Variants in FSD2 observed in about 807,000 individuals in gnomAD.
The protein encoded by FSD2 is fibronectin type III and SPRY domain-containing protein 2.
FSD2 carries 71 observed loss-of-function variants against 80.4 expected under a neutral mutation model. The ratio of observed to expected loss-of-function variants is 0.88; its 90% CI spans 0.73 to 1.08. FSD2 has a LOEUF of 1.08. Among genes scored for constraint, FSD2 ranks in the 50% least tolerant of loss-of-function variants. FSD2 has a pLI of 0.00. For missense variants in FSD2, 923 were observed against 913.8 expected (o/e 1.01, Z -0.13); for synonymous variants, 361 against 329.5 (o/e 1.10, Z -1.03).
intron 6 of FSD2, among the ~76,000 whole-genome samples, chr15:82,778,080 G>A (rs2049756579): frequency 1.4e-5 from 2 of 140,390 alleles, no homozygotes; most frequent in Admixed American, 1.5e-4. Context: ...AGGCCAGCCT[G>A]GGCAACATAG....
Position 82,805,973 on chromosome 15 carries a change from G to T in FSD2, c.-86C>A, listed in dbSNP as rs2050516015. ...GACTACCCCAAAACTTGCCTGCTAA[G>T]CGTCCATAAATGCTTCCTTTAACTC... On this transcript the variant is annotated 5_prime_UTR_variant, in exon 1 of 13. Transcript: ENST00000334574. 1 of 152,182 alleles carries T rather than the reference G, an allele frequency of 6.6e-6. No individual in the cohort carries two copies. Among genetic ancestry groups the T allele is most frequent in the South Asian group, 2.1e-4 (1 of 4,834 alleles). 9.4% of individuals were successfully genotyped at this position (152,182 alleles called of 1,614,324 possible).
intron 10 of FSD2, 62 bp from the exon 11 acceptor site, chr15:82,765,360 G>A: frequency 1.9e-6 from 3 of 1,607,086 alleles, no homozygotes; most frequent in Non-Finnish European, 2.5e-6. Context: ...CATGTGGGCG[G>A]TGGTCACCGG....
In FSD2 at chr15:82,798,081, G is replaced by A. The variant is rs571445845; in HGVS notation, c.-79+7885C>T. On this transcript the variant is annotated intron_variant, in intron 1 of 12. Coordinates refer to ENST00000334574, the MANE Select transcript of FSD2 (RefSeq NM_001007122.4). ...AGGTCAGGTACAGTGGCTGACACCC[G>A]TTATCCAAGCACTTTGGGAGGCAAA... Among the ~76,000 whole-genome samples, 41 of 152,156 alleles carry A rather than the reference G, an allele frequency of 2.7e-4. 2 individuals carry two copies. In the South Asian group the frequency reaches 5.8e-3, roughly 22 times the overall value.
Position 82,765,182 on chromosome 15 carries a change from C to A in FSD2, c.1804G>T (p.Asp602Tyr), listed in dbSNP as rs979074782. The A allele has an allele frequency of 7.5e-6, 12 of 1,604,232 alleles. No individual in the cohort carries two copies. In the African/African-American group the frequency reaches 1.3e-4, roughly 18 times the overall value. Residue 602 changes from aspartate to tyrosine, a missense_variant, in exon 11 of 13, where the codon GAC becomes TAC. Coordinates refer to ENST00000334574, the MANE Select transcript of FSD2 (RefSeq NM_001007122.4). ...ACAAAGTACCTGGTGAAGTGAGTGT[C>A]GCTGGGTGACAGCTCCCTGGCGGGG... ...RTPARELSPSDTHFTRCVAVM... is the reference protein window; with the variant it reads ...RTPARELSPSYTHFTRCVAVM...
chr15:82,772,098 G>T lies in FSD2; in HGVS notation c.1242C>A (p.Asp414Glu), dbSNP rs2151498693. The T allele has an allele frequency of 1.9e-6, 3 of 1,598,984 alleles. No homozygotes were observed. In the African/African-American group the frequency reaches 4.0e-5, roughly 22 times the overall value. ...SYQLSYRPVQ[D>E]SSPGTDQAEF... is the part of the protein sequence containing the mutation. ...CTGCTTGGTCCGTCCCAGGTGAGCTGTCCTGCACTGGCCGGTAGGACAGCT... is the reference window on the plus strand; with the variant it reads ...CTGCTTGGTCCGTCCCAGGTGAGCTTTCCTGCACTGGCCGGTAGGACAGCT... The change falls in exon 7 of 13, where the codon GAC becomes GAA. Residue 414 changes from aspartate to glutamate, a missense_variant. Asp to Glu is a conservative substitution (Grantham distance 45). Transcript: ENST00000334574.
chr15:82,782,272 C>T (rs1293822624), intron 4 of FSD2, among the ~76,000 whole-genome samples: 4 of 144,548 alleles, frequency 2.8e-5, no homozygotes, highest in Admixed American at 1.4e-4. Flanking sequence ...TGGTGGCGAG[C>T]GCCTGTAGTC....
chr15:82,757,289 A>G lies in FSD2; in HGVS notation c.*2059T>C, dbSNP rs2049195227. On this transcript the variant is annotated 3_prime_UTR_variant, in exon 13 of 13. Transcript: ENST00000334574. ...AAAGCCTATTAGAACCCTGAATTCA[A>G]ACTTGCCTTCTCTGTGATATCCTGT... 2 of 152,006 alleles carry G rather than the reference A, an allele frequency of 1.3e-5. No individual in the cohort carries two copies. The highest frequency in any genetic ancestry group is 2.9e-5 in the Non-Finnish European group (2 of 68,022). 9.4% of individuals were successfully genotyped at this position (152,006 alleles called of 1,614,324 possible).
chr15:82,800,730 C>T (rs1006234912), intron 1 of FSD2, among the ~76,000 whole-genome samples: 2 of 144,460 alleles, frequency 1.4e-5, no homozygotes, highest in Non-Finnish European at 3.0e-5. Flanking sequence ...CAGTCAGGCT[C>T]TTGCTTATCT....
chr15:82,786,896 G>A lies in FSD2; in HGVS notation c.495C>T (p.Val165=). The A allele has an allele frequency of 1.9e-6, 3 of 1,613,998 alleles. No homozygotes were observed. The highest frequency in any genetic ancestry group is 2.2e-5 in the East Asian group (1 of 44,880). Residue 165 remains valine, a synonymous_variant, in exon 2 of 13, where the codon GTC becomes GTT. Transcript: ENST00000334574. ...GRASEEYECY[V]IPEEEDEEEA... is the part of the protein sequence containing the mutation. ...CTTCTTCATCCTCTTCCTCGGGGAT[G>A]ACATAGCATTCATACTCCTCGCTGG...
Position 82,756,198 on chromosome 15 carries a change from A to T in FSD2, c.*3150T>A, listed in dbSNP as rs1474226632. 7.0e-6 allele frequency: 2 copies of T among 285,996 alleles called. No homozygotes were observed. Among genetic ancestry groups the T allele is most frequent in the African/African-American group, 4.4e-5 (2 of 45,836 alleles). The allele number at this position is 285,996 out of a possible 1,614,324, so 17.7% of individuals were successfully genotyped here. A position where few individuals can be genotyped will look rare whatever the true frequency, so the allele number is the denominator to read the frequency against. On this transcript the variant is annotated 3_prime_UTR_variant, in exon 13 of 13. Coordinates refer to ENST00000334574, the MANE Select transcript of FSD2 (RefSeq NM_001007122.4). ...ACTAATTGATAGGAAGGTGACTAGA[A>T]ATTGGCGAAGTTTTCTTGGTAAGTT...
chr15:82,759,817 G>A (rs1426931821), intron 12 of FSD2, among the ~76,000 whole-genome samples: 2 of 144,058 alleles, frequency 1.4e-5, no homozygotes, highest in Non-Finnish European at 3.0e-5. Flanking sequence ...TTTTTTAGAT[G>A]GAGTCTTGCT....
rs1468729654 is a variant in FSD2 at position 82,806,045 on chromosome 15, C to T, written c.-158G>A. The T allele has an allele frequency of 6.6e-6, 1 of 152,228 alleles. No homozygotes were observed. Among genetic ancestry groups the T allele is most frequent in the Non-Finnish European group, 1.5e-5 (1 of 68,044 alleles). The allele number at this position is 152,228 out of a possible 1,614,324, so 9.4% of individuals were successfully genotyped here. A position where few individuals can be genotyped will look rare whatever the true frequency, so the allele number is the denominator to read the frequency against. On this transcript the variant is annotated 5_prime_UTR_variant, in exon 1 of 13. Coordinates refer to ENST00000334574, the MANE Select transcript of FSD2 (RefSeq NM_001007122.4). ...GAAAATTGAATCTGTGTTCAGCAGGCTTTCCTTCCTAGTGACCTCTGCATG... is the reference window on the plus strand; with the variant it reads ...GAAAATTGAATCTGTGTTCAGCAGGTTTTCCTTCCTAGTGACCTCTGCATG...
At position 82,756,083 on chromosome 15, in the gene FSD2, TC is replaced by T. The variant is rs1265920131; in HGVS notation, c.*3264del. ...ATCTACCAACAGCAATTACACGCTT[TC>T]CATTGTCTTCCTATAGAAAATAGGA... On this transcript the variant is annotated 3_prime_UTR_variant, in exon 13 of 13. Coordinates refer to ENST00000334574, the MANE Select transcript of FSD2 (RefSeq NM_001007122.4). 4.3e-6 allele frequency: 2 copies of T among 462,808 alleles called. No homozygotes were observed. The highest frequency in any genetic ancestry group is 8.8e-6 in the Non-Finnish European group (2 of 226,746). 28.7% of individuals were successfully genotyped at this position (462,808 alleles called of 1,614,324 possible). A position where few individuals can be genotyped will look rare whatever the true frequency, so the allele number is the denominator to read the frequency against.
chr15:82,797,041 AC>A (rs1181335254), intron 1 of FSD2, among the ~76,000 whole-genome samples: 17,542 of 134,454 alleles, frequency 0.13, 1,355 homozygotes, highest in South Asian at 0.31. Context: ...AAAAAAAAAA[AC>A]ACCTCCAGGG....
chr15:82,798,126 C>A (rs939214479), intron 1 of FSD2, among the ~76,000 whole-genome samples: 4 of 151,900 alleles, frequency 2.6e-5, no homozygotes, highest in African/African-American at 9.7e-5. Context: ...ACCACTTGAG[C>A]TTAGGAGTTC....
At chr15:82,785,271 G>A (rs1429122077) in intron 3 of FSD2, among the ~76,000 whole-genome samples, 1 of 151,888 alleles carries the variant, frequency 6.6e-6, no homozygotes, top group Admixed American at 6.6e-5. Context: ...AGAAAAGTCT[G>A]GAAATTGCTA....
At chr15:82,794,515 A>C (rs888401846) in intron 1 of FSD2, among the ~76,000 whole-genome samples, 1 of 152,104 alleles carries the variant, frequency 6.6e-6, no homozygotes, top group Non-Finnish European at 1.5e-5. Context: ...GGTTTATAGT[A>C]TTATTTAAGT....
chr15:82,760,759 A>ACACACC (rs973634556), intron 12 of FSD2, among the ~76,000 whole-genome samples: 2 of 151,138 alleles, frequency 1.3e-5, no homozygotes, highest in African/African-American at 4.9e-5. Flanking sequence ...ACACACACAC[A>ACACACC]CCCTACATCT....
At chr15:82,770,593 C>T (rs1298149447) in intron 7 of FSD2, among the ~76,000 whole-genome samples, 1 of 152,162 alleles carries the variant, frequency 6.6e-6, no homozygotes, top group Admixed American at 6.5e-5. Context: ...ATCACTTGAA[C>T]CCGGGAAGTG....
Sources: allele counts gnomAD v4.1 joint callset (sites outside exome capture counted in the v4.1 genomes callset), GRCh38; gene constraint gnomAD v4.1.1; transcripts MANE v1.5; gene names NCBI Gene and HGNC (gene_info 2026-07-23, HGNC 2026-07-21).